GRM7: variants seen among roughly 807,000 people sequenced by gnomAD.
The protein encoded by GRM7 is glutamate metabotropic receptor 7, also known as metabotropic glutamate receptor 7.
In GRM7, 35 loss-of-function variants were observed where a neutral mutation model predicts 84.5. The observed-to-expected ratio is 0.41, with a 90% CI of 0.32 to 0.55. The LOEUF (loss-of-function observed/expected upper bound fraction) is 0.55. Among genes scored for constraint, GRM7 ranks in the 20% least tolerant of loss-of-function variants. GRM7 has a pLI of 0.19. For synonymous variants in GRM7, 487 were observed against 455.1 expected, an observed-to-expected ratio of 1.07 and a Z score of -0.89; for missense variants, 1,003 against 1,194.6, an observed-to-expected ratio of 0.84 and a Z score of 2.36.
intron 2 of GRM7, among the ~76,000 whole-genome samples, chr3:7,251,940 C>T (rs940563111): frequency 3.3e-5 from 5 of 152,070 alleles, no homozygotes; most frequent in African/African-American, 1.2e-4. Context: ...TAAGTAAACT[C>T]CAGTAGCCGG....
chr3:7,574,445 A>C (rs1694859783), intron 7 of GRM7, among the ~76,000 whole-genome samples: 2 of 152,232 alleles, frequency 1.3e-5, no homozygotes, highest in African/African-American at 4.8e-5. Flanking sequence ...GGCGTGAGCC[A>C]CTGTGCCCAG....
chr3:7,268,392 G>A (rs1205671820), intron 2 of GRM7, among the ~76,000 whole-genome samples: 1 of 151,984 alleles, frequency 6.6e-6, no homozygotes, highest in Admixed American at 6.6e-5. Flanking sequence ...GGTGGTCAAG[G>A]CTGCAGTGAG....
At chr3:7,237,467 C>T (rs904917679) in intron 2 of GRM7, among the ~76,000 whole-genome samples, 1 of 152,098 alleles carries the variant, frequency 6.6e-6, no homozygotes, top group Non-Finnish European at 1.5e-5. Flanking sequence ...CTTGGGCTCG[C>T]TGACTTCAAG....
intron 5 of GRM7, among the ~76,000 whole-genome samples, chr3:7,429,690 T>A (rs1306284774): frequency 6.6e-6 from 1 of 152,166 alleles, no homozygotes; most frequent in Non-Finnish European, 1.5e-5. Flanking sequence ...AAAAGTCACT[T>A]GGCTAGCATC....
At chr3:7,157,691 T>C (rs1182072394) in intron 2 of GRM7, among the ~76,000 whole-genome samples, 2 of 151,282 alleles carry the variant, frequency 1.3e-5, no homozygotes, top group Non-Finnish European at 2.9e-5. Context: ...TGCTGGACAG[T>C]TTGTATAAAC....
intron 7 of GRM7, among the ~76,000 whole-genome samples, chr3:7,525,708 G>A (rs754125858): frequency 5.8e-4 from 88 of 151,778 alleles, no homozygotes; most frequent in Non-Finnish European, 1.1e-3. Context: ...TTCTCCTCTC[G>A]TCCTCCCCAC....
chr3:7,070,257 T>C (rs1190426971), intron 1 of GRM7, among the ~76,000 whole-genome samples: 1 of 152,130 alleles, frequency 6.6e-6, no homozygotes, highest in African/African-American at 2.4e-5. Context: ...TTTAATGAAA[T>C]GGATAATTAT....
intron 1 of GRM7, among the ~76,000 whole-genome samples, chr3:7,132,893 A>C (rs1467388658): frequency 6.6e-6 from 1 of 152,218 alleles, no homozygotes; most frequent in Non-Finnish European, 1.5e-5. Context: ...CATACCATGT[A>C]GTTTACTTGA....
chr3:6,922,636 A>G (rs1051480191), intron 1 of GRM7, among the ~76,000 whole-genome samples: 39 of 152,340 alleles, frequency 2.6e-4, no homozygotes, highest in African/African-American at 7.9e-4. Flanking sequence ...AACCTATAAC[A>G]TACATATAGA....
chr3:7,241,379 G>A (rs1313481011), intron 2 of GRM7, among the ~76,000 whole-genome samples: 1 of 151,912 alleles, frequency 6.6e-6, no homozygotes, highest in East Asian at 1.9e-4. Context: ...TGCTTTGAAT[G>A]TTTCATACAT....
intron 7 of GRM7, among the ~76,000 whole-genome samples, chr3:7,521,044 T>C (rs1408749301): frequency 6.6e-6 from 1 of 152,224 alleles, no homozygotes. Flanking sequence ...TTATTGTTCC[T>C]AATGGGTCAC....
chr3:6,972,267 C>G (rs950781519), intron 1 of GRM7, among the ~76,000 whole-genome samples: 3 of 152,096 alleles, frequency 2.0e-5, no homozygotes, highest in African/African-American at 4.8e-5. Context: ...AAAAAAGACT[C>G]CTGTGAATTT....
intron 7 of GRM7, among the ~76,000 whole-genome samples, chr3:7,569,496 A>G (rs1694531215): frequency 6.6e-6 from 1 of 152,218 alleles, no homozygotes; most frequent in African/African-American, 2.4e-5. Context: ...AAAATGGACC[A>G]GTCAGCAGAA....
intron 1 of GRM7, among the ~76,000 whole-genome samples, chr3:7,096,152 A>G (rs1574896250): frequency 6.6e-6 from 1 of 152,230 alleles, no homozygotes; most frequent in Middle Eastern, 3.4e-3. Flanking sequence ...AACTCAAGCC[A>G]GTTTGCTCCT....
At chr3:7,145,655 A>T (rs1332118656) in intron 1 of GRM7, among the ~76,000 whole-genome samples, 1 of 152,142 alleles carries the variant, frequency 6.6e-6, no homozygotes, top group Non-Finnish European at 1.5e-5. Flanking sequence ...TCCTAAGATG[A>T]TCCTTATAGG....
At chr3:6,968,133 A>T (rs1441436996) in intron 1 of GRM7, among the ~76,000 whole-genome samples, 9 of 152,218 alleles carry the variant, frequency 5.9e-5, no homozygotes, top group Non-Finnish European at 1.2e-4. Flanking sequence ...GTGTGCCAGC[A>T]GGGTCTTTCT....
rs142173916 is a variant in GRM7, at chr3:7,182,965, A to G, written c.736+36297A>G. Reference sequence around the variant, plus strand: ...ACTTTTAGTAGTTTTTGAGCAGACTATACTCATAATGCAACTCATCACAGC... The same window carrying G: ...ACTTTTAGTAGTTTTTGAGCAGACTGTACTCATAATGCAACTCATCACAGC... On this transcript the variant is annotated intron_variant, in intron 2 of 9. Transcript: ENST00000357716. Among the ~76,000 whole-genome samples the G allele has an allele frequency of 3.1e-4, 46 of 147,262 alleles. 1 individual carries two copies. The East Asian group carries it at 9.2e-3, about 30-fold the overall frequency.
At chr3:7,325,314 T>G (rs1700941361) in intron 4 of GRM7, among the ~76,000 whole-genome samples, 1 of 152,184 alleles carries the variant, frequency 6.6e-6, no homozygotes, top group Admixed American at 6.5e-5. Context: ...ACAAAGAAAT[T>G]TTGACCAAAG....
At chr3:7,108,051 T>C (rs961916803) in intron 1 of GRM7, among the ~76,000 whole-genome samples, 21 of 152,054 alleles carry the variant, frequency 1.4e-4, no homozygotes, top group African/African-American at 4.6e-4. Flanking sequence ...TAGTACTAAC[T>C]GTAATTCACT....
Sources: gnomAD v4.1 joint callset for allele counts (sites outside exome capture counted in the v4.1 genomes callset) on GRCh38, gnomAD v4.1.1 for gene constraint, MANE v1.5 for transcripts, NCBI Gene and HGNC (gene_info 2026-07-23, HGNC 2026-07-21) for gene names.